The following PKD1L3 variants were observed in gnomAD, a reference collection of about 807,000 sequenced individuals.
PKD1L3 encodes the protein polycystin-1-like protein 3.
A neutral mutation model predicts 184.1 loss-of-function variants in PKD1L3; 239 were observed. The ratio of observed to expected loss-of-function variants is 1.30; its 90% CI spans 1.17 to 1.45. The LOEUF is 1.45. Among genes scored for constraint, PKD1L3 ranks in the 40% most tolerant of loss-of-function variants. The pLI is 0.00. For missense variants in PKD1L3, 2,660 were observed against 2,067.2 expected (o/e 1.29, Z -5.56); for synonymous variants, 996 against 778.8 (o/e 1.28, Z -4.64).
chr16:71,988,762 T>C (rs568524915), intron 4 of PKD1L3, among the ~76,000 whole-genome samples: 39 of 152,324 alleles, frequency 2.6e-4, no homozygotes, highest in Admixed American at 1.4e-3. Flanking sequence ...CCAAGTTTTA[T>C]GTGGCACAGG....
In PKD1L3 at chr16:71,990,321, G is replaced by T; in HGVS notation, c.544C>A (p.His182Asn). 1.9e-6 allele frequency: 3 copies of T among 1,547,694 alleles called. No individual in the cohort carries two copies. In the South Asian group the frequency reaches 3.6e-5, roughly 18 times the overall value. Residue 182 changes from histidine (H) to asparagine (N), a missense_variant, in exon 4 of 30, where the codon CAT (histidine) becomes AAT (asparagine). Physicochemically the swap from His to Asn is moderately conservative, Grantham distance 68. Transcript: ENST00000620267. The part of the protein sequence containing the change: ...ARDKMPPGPG[H>N]LPTTCHYPLP... ...GGATAGTGACATGTGGTTGGAAGAT[G>T]ACCAGGTCCTATAGAAAAAAGAAAG...
At chr16:71,959,451 T>C (rs1270850140) in intron 16 of PKD1L3, among the ~76,000 whole-genome samples, 1 of 152,022 alleles carries the variant, frequency 6.6e-6, no homozygotes, top group African/African-American at 2.4e-5. Context: ...AAACAAAGAA[T>C]ACAGAAAACT....
At chr16:71,958,091 A>G (rs2039115402) in intron 16 of PKD1L3, among the ~76,000 whole-genome samples, 1 of 152,146 alleles carries the variant, frequency 6.6e-6, no homozygotes. Flanking sequence ...GTCAAGAGTA[A>G]AGATGGACAC....
At chr16:71,995,186 G>A (rs968279583) in intron 2 of PKD1L3, among the ~76,000 whole-genome samples, 1 of 152,082 alleles carries the variant, frequency 6.6e-6, no homozygotes, top group Non-Finnish European at 1.5e-5. Flanking sequence ...AGGTGAAAAG[G>A]CAAGAGAAGC....
chr16:71,984,595 C>G (rs762356124), intron 5 of PKD1L3, among the ~76,000 whole-genome samples: 24 of 152,188 alleles, frequency 1.6e-4, no homozygotes, highest in Non-Finnish European at 3.2e-4. Context: ...CGTGATGGCT[C>G]ACGCCTGTCA....
At chr16:71,991,138 A>T (rs1272023344) in intron 3 of PKD1L3, 1 of 171,108 alleles carries the variant, frequency 5.8e-6, no homozygotes, top group Non-Finnish European at 1.3e-5. Flanking sequence ...GTGCCATCTT[A>T]ACGTGCAGTT....
At chr16:71,954,067 G>A (rs1477755153) in intron 17 of PKD1L3, 38 bp downstream of exon 17, 6 of 1,412,284 alleles carry the variant, frequency 4.2e-6, no homozygotes, top group Non-Finnish European at 5.6e-6. Flanking sequence ...AAAAAGGATT[G>A]CTTACTACAA....
intron 16 of PKD1L3, among the ~76,000 whole-genome samples, chr16:71,957,899 G>C (rs1334372662): frequency 6.6e-6 from 1 of 152,216 alleles, no homozygotes; most frequent in East Asian, 1.9e-4. Context: ...CAATTAAGAA[G>C]ATAAATTCAT....
chr16:71,993,245 A>T lies in PKD1L3; in HGVS notation c.506T>A (p.Val169Asp), dbSNP rs1196597539. The T allele has an allele frequency of 4.5e-6, 7 of 1,549,150 alleles. No individual in the cohort carries two copies. The highest frequency in any genetic ancestry group is 6.1e-6 in the Non-Finnish European group (7 of 1,146,034). ...YQRHKKTKRG[V>D]AIARDKMPPG... The stretch of plus-strand genomic sequence containing the variant: ...GGGCATTTTGTCTCTTGCTATTGCA[A>T]CTCCTCTTTTTGTCTTCTTGTGTCT... Residue 169 changes from valine (V) to aspartate (D), a missense_variant, in exon 3 of 30, where the codon GTT (valine) becomes GAT (aspartate). By Grantham distance (152) the Val-to-Asp change is radical. Coordinates refer to ENST00000620267, the MANE Select transcript of PKD1L3 (RefSeq NM_181536.2).
intron 24 of PKD1L3, among the ~76,000 whole-genome samples, chr16:71,939,482 C>T (rs2038289145): frequency 6.6e-6 from 1 of 152,156 alleles, no homozygotes; most frequent in African/African-American, 2.4e-5. Context: ...TAAGATGTAC[C>T]CCTTGTAGGT....
intron 28 of PKD1L3, among the ~76,000 whole-genome samples, chr16:71,931,885 T>C (rs1170046814): frequency 6.6e-6 from 1 of 152,200 alleles, no homozygotes; most frequent in East Asian, 1.9e-4. Context: ...CGTAAAATAG[T>C]TGTTACACCG....
At chr16:71,954,011 T>G (rs961939121) in intron 17 of PKD1L3, 94 bp downstream of exon 17, 2 of 1,121,602 alleles carry the variant, frequency 1.8e-6, no homozygotes, top group East Asian at 3.0e-5. Context: ...AGGCCAGGAG[T>G]TCTAGACCAG....
At chr16:71,963,415 C>G in intron 15 of PKD1L3, 64 bp from the exon 16 acceptor site, 1 of 1,421,644 alleles carries the variant, frequency 7.0e-7, no homozygotes, top group East Asian at 2.6e-5. Context: ...TGTAGTAAGA[C>G]GTAATCTCAG....
At chr16:71,969,810 T>TAGA in intron 13 of PKD1L3, 65 bp downstream of exon 13, 1 of 1,402,276 alleles carries the variant, frequency 7.1e-7, no homozygotes, top group South Asian at 1.4e-5. Flanking sequence ...AAGGTGTTTT[T>TAGA]TCCTTCATCT....
chr16:71,969,886 C>T lies in PKD1L3; in HGVS notation c.2173G>A (p.Asp725Asn). 1 of 1,547,968 alleles carries T rather than the reference C, an allele frequency of 6.5e-7. No homozygotes were observed. Residue 725 changes from aspartate (D) to asparagine (N), a missense_variant, in exon 13 of 30, where the codon GAT becomes AAT. Coordinates refer to ENST00000620267, the MANE Select transcript of PKD1L3 (RefSeq NM_181536.2). ...CAAAGTCTCATTACCTTCTGCATAT[C>T]TGCTTGATCCTTTTTCCGAGCCCAC... ...VVWARKKDQA[D>N]MQKVKVTVLA...
rs1374484966 is a variant in PKD1L3 at position 71,984,099 on chromosome 16, C to T, written c.903G>A (p.Gln301=). ...GTTTCTGGAGGAACTCACAAGCTTC[C>T]TGTAGTTTGTTAAGAGCTTGCAAAC... ...VHGLQALNKL[Q]EACEFLQKLT... Residue 301 remains glutamine, a synonymous_variant, in exon 6 of 30, where the codon CAG becomes CAA. Coordinates refer to ENST00000620267, the MANE Select transcript of PKD1L3 (RefSeq NM_181536.2). The T allele has an allele frequency of 6.4e-7, 1 of 1,552,146 alleles. No individual in the cohort carries two copies. The highest frequency in any genetic ancestry group is 2.0e-5 in the Admixed American group (1 of 50,998).
chr16:71,981,482 A>C (rs984818893), intron 7 of PKD1L3, among the ~76,000 whole-genome samples: 2 of 150,780 alleles, frequency 1.3e-5, no homozygotes, highest in Non-Finnish European at 2.9e-5. Flanking sequence ...TTTCATGTGA[A>C]TAGCAAACAT....
rs768838215 is a variant in PKD1L3 at position 71,944,118 on chromosome 16, A to T, written c.3771T>A (p.Tyr1257Ter). 61 of 1,551,594 alleles carry T rather than the reference A, an allele frequency of 3.9e-5. No individual in the cohort carries two copies. The East Asian group carries it at 1.3e-3, about 34-fold the overall frequency. Residue 1257 changes from tyrosine to a stop codon, truncating the protein, a stop_gained, in exon 23 of 30, where the codon TAT becomes TAA. Transcript: ENST00000620267. LOFTEE classifies it high-confidence loss of function. Reference protein sequence around the residue: ...PGSRDKNNPVYVAPAINSPTK... With the variant: ...PGSRDKNNPV ...TTGGACTATTTATAGCTGGGGCTAC[A>T]TAGACGGGGTTGTTCTTATCTCTTG...
At chr16:71,963,166 C>T in intron 16 of PKD1L3, 39 bp downstream of exon 16, 3 of 1,476,264 alleles carry the variant, frequency 2.0e-6, no homozygotes, top group South Asian at 1.3e-5. Context: ...TAATAGTGAA[C>T]ATCAATATTC....
Sources: allele counts gnomAD v4.1 joint callset (sites outside exome capture counted in the v4.1 genomes callset), GRCh38; gene constraint gnomAD v4.1.1; transcripts MANE v1.5; gene names NCBI Gene and HGNC (gene_info 2026-07-23, HGNC 2026-07-21).